The following CCDC178 variants were observed in gnomAD, a reference collection of about 807,000 sequenced individuals.
CCDC178 encodes the protein coiled-coil domain-containing protein 178.
In CCDC178, 126 loss-of-function variants were observed where a neutral mutation model predicts 117.4. The observed-to-expected ratio is 1.07, with a 90% CI of 0.93 to 1.24. CCDC178 has a LOEUF of 1.24. Ranked by LOEUF, CCDC178 falls within the 50% of genes most tolerant of loss-of-function variation. CCDC178 has a pLI of 0.00. For missense variants in CCDC178, 1,030 were observed against 986.9 expected, an observed-to-expected ratio of 1.04 and a Z score of -0.59; for synonymous variants, 283 against 313.4, an observed-to-expected ratio of 0.90 and a Z score of 1.02.
intron 21 of CCDC178, among the ~76,000 whole-genome samples, chr18:33,004,852 T>C (rs539711042): frequency 6.6e-6 from 1 of 151,916 alleles, no homozygotes; most frequent in Non-Finnish European, 1.5e-5. Context: ...GGCAAACAGG[T>C]ATATGAAAAG....
chr18:33,392,771 A>G (rs1274157361), intron 4 of CCDC178, among the ~76,000 whole-genome samples: 1 of 152,184 alleles, frequency 6.6e-6, no homozygotes, highest in South Asian at 2.1e-4. Flanking sequence ...CTGAGGCAGA[A>G]TGATCACTTA....
intron 6 of CCDC178, among the ~76,000 whole-genome samples, chr18:33,361,321 C>T (rs1362681551): frequency 6.6e-6 from 1 of 151,522 alleles, no homozygotes; most frequent in East Asian, 1.9e-4. Context: ...TTATCTTAAA[C>T]AATACACAAA....
intron 21 of CCDC178, among the ~76,000 whole-genome samples, chr18:33,056,864 G>C (rs1041630546): frequency 1.3e-5 from 2 of 151,736 alleles, no homozygotes. Flanking sequence ...GCTCAGTTTT[G>C]CCAAAAGAGG....
chr18:33,253,597 C>A (rs925264453), intron 14 of CCDC178, among the ~76,000 whole-genome samples: 1 of 151,760 alleles, frequency 6.6e-6, no homozygotes, highest in Admixed American at 6.6e-5. Flanking sequence ...ACAGAGCTTT[C>A]TGAGATAAAC....
chr18:32,993,922 T>A (rs2055447869), intron 21 of CCDC178, among the ~76,000 whole-genome samples: 2 of 152,138 alleles, frequency 1.3e-5, no homozygotes, highest in South Asian at 4.1e-4. Context: ...TTATTAGCTA[T>A]TATGCCTATT....
chr18:32,982,286 C>T (rs575315648), intron 21 of CCDC178, among the ~76,000 whole-genome samples: 48 of 152,124 alleles, frequency 3.2e-4, no homozygotes, highest in African/African-American at 1.1e-3. Context: ...TGAATTTCTC[C>T]TTATAAGAAT....
At chr18:33,135,766 C>T (rs550386295) in intron 20 of CCDC178, among the ~76,000 whole-genome samples, 1 of 152,234 alleles carries the variant, frequency 6.6e-6, no homozygotes, top group South Asian at 2.1e-4. Context: ...GGGTAGCCCA[C>T]CTAGCTTGCT....
intron 21 of CCDC178, among the ~76,000 whole-genome samples, chr18:33,021,897 T>A (rs189612574): frequency 6.6e-6 from 1 of 152,240 alleles, no homozygotes. Context: ...TCTCTCTCTC[T>A]GTCTCATTCT....
At chr18:33,247,616 G>T (rs892095256) in intron 14 of CCDC178, among the ~76,000 whole-genome samples, 1 of 151,834 alleles carries the variant, frequency 6.6e-6, no homozygotes, top group Non-Finnish European at 1.5e-5. Context: ...TGGCACGTTT[G>T]TGTCTATACA....
chr18:33,294,196 C>T (rs536622779), intron 11 of CCDC178, among the ~76,000 whole-genome samples: 24 of 152,224 alleles, frequency 1.6e-4, no homozygotes, highest in African/African-American at 5.8e-4. Context: ...AGGTAGAAAC[C>T]ACTTTCCAAA....
chr18:33,094,577 C>A (rs1301471133), intron 20 of CCDC178, among the ~76,000 whole-genome samples: 1 of 151,754 alleles, frequency 6.6e-6, no homozygotes, highest in Admixed American at 6.6e-5. Context: ...CTACTACAAA[C>A]ATTTAATTTG....
chr18:32,941,562 CT>C (rs1459997537), intron 22 of CCDC178, among the ~76,000 whole-genome samples: 2 of 152,058 alleles, frequency 1.3e-5, no homozygotes, highest in African/African-American at 2.4e-5. Context: ...ACTGAGGTCA[CT>C]TTTTAAATGA....
chr18:32,984,629 A>T (rs1220348542), intron 21 of CCDC178, among the ~76,000 whole-genome samples: 2 of 150,698 alleles, frequency 1.3e-5, no homozygotes, highest in African/African-American at 5.0e-5. Flanking sequence ...AAATGAATGA[A>T]CGTATATGAT....
intron 21 of CCDC178, among the ~76,000 whole-genome samples, chr18:33,087,229 CTG>C (rs1471979075): frequency 6.6e-6 from 1 of 152,092 alleles, no homozygotes; most frequent in Non-Finnish European, 1.5e-5. Flanking sequence ...ACCCTCAAAA[CTG>C]GTATTGGACT....
intron 21 of CCDC178, among the ~76,000 whole-genome samples, chr18:33,057,719 C>A (rs2056854510): frequency 6.6e-6 from 1 of 152,080 alleles, no homozygotes; most frequent in Non-Finnish European, 1.5e-5. Flanking sequence ...GTCTCAAACT[C>A]CTGACCTCAG....
intron 2 of CCDC178, among the ~76,000 whole-genome samples, chr18:33,417,668 T>A (rs1188183317): frequency 6.6e-6 from 1 of 152,170 alleles, no homozygotes; most frequent in Admixed American, 6.5e-5. Context: ...TAGTTATATA[T>A]GATGTTAGTA....
intron 5 of CCDC178, among the ~76,000 whole-genome samples, chr18:33,385,716 T>C (rs1204426903): frequency 6.6e-6 from 1 of 152,182 alleles, no homozygotes; most frequent in East Asian, 1.9e-4. Context: ...TAAAGCAGTG[T>C]TAAGTGGCAA....
At chr18:32,971,906 A>C (rs1030361715) in intron 22 of CCDC178, among the ~76,000 whole-genome samples, 1 of 151,934 alleles carries the variant, frequency 6.6e-6, no homozygotes, top group Admixed American at 6.6e-5. Flanking sequence ...TTCCTTGTGG[A>C]TTCTGGATAT....
intron 20 of CCDC178, among the ~76,000 whole-genome samples, chr18:33,181,868 T>C (rs1176958017): frequency 6.6e-6 from 1 of 151,764 alleles, no homozygotes; most frequent in Non-Finnish European, 1.5e-5. Context: ...AAATGACATA[T>C]TAAGAAAAAA....
Sources: allele counts gnomAD v4.1 joint callset (sites outside exome capture counted in the v4.1 genomes callset), GRCh38; gene constraint gnomAD v4.1.1; transcripts MANE v1.5; gene names NCBI Gene and HGNC (gene_info 2026-07-23, HGNC 2026-07-21).